Variants in CFAP54 observed in about 807,000 individuals in gnomAD.
CFAP54 encodes cilia- and flagella-associated protein 54.
CFAP54 carries 290 observed loss-of-function variants against 370.4 expected under a neutral mutation model. The ratio of observed to expected loss-of-function variants is 0.78; its 90% CI spans 0.71 to 0.86. The LOEUF is 0.86. CFAP54 is among the 40% of genes least tolerant of loss of function. CFAP54 has a pLI of 0.00. For synonymous variants in CFAP54, 1,206 were observed against 1,236.5 expected (o/e 0.98, Z 0.52); for missense variants, 3,399 against 3,528.7 (o/e 0.96, Z 0.93).
intron 50 of CFAP54, among the ~76,000 whole-genome samples, chr12:96,733,807 A>C (rs1213506497): frequency 2.0e-5 from 3 of 152,150 alleles, no homozygotes; most frequent in African/African-American, 7.2e-5. Flanking sequence ...TTATTCATTA[A>C]GTTTTTGGGT....
intron 65 of CFAP54, among the ~76,000 whole-genome samples, chr12:96,823,883 CAT>C (rs1959058915): frequency 6.6e-6 from 1 of 152,138 alleles, no homozygotes; most frequent in Admixed American, 6.5e-5. Context: ...CCAAGATAAT[CAT>C]AGTGGCATGT....
At position 96,638,227 on chromosome 12, in the gene CFAP54, GTGTGTGTGTGTGTGTA is replaced by G. The variant is rs1375513044; in HGVS notation, c.4317-5949_4317-5934del. Among the ~76,000 whole-genome samples the G allele has an allele frequency of 4.0e-3, 367 of 92,886 alleles. 3 individuals are homozygous for G. Among genetic ancestry groups the G allele is most frequent in the African/African-American group, 0.013 (348 of 27,160 alleles). 60.9% of individuals were successfully genotyped at this position (92,886 alleles called of 152,430 possible). ...TGCATGTGTGTGTGTGTGTGTGTGT[GTGTGTGTGTGTGTGTA>G]TATATATATATATTTATTTTTTTTT... On this transcript the variant is annotated intron_variant, in intron 32 of 67. Transcript: ENST00000524981.
rs973736223 is a variant in CFAP54 at position 96,554,734 on chromosome 12, T to A, written c.2342T>A (p.Met781Lys). ...YKPLASNSFM[M>K]DLHLELIQAQ... is the part of the protein sequence containing the mutation. ...CCACTTGCCTCAAATAGTTTCATGA[T>A]GGATTTGCATCTTGAACTAATTCAA... The change falls in exon 17 of 68, where the codon ATG (methionine) becomes AAG (lysine). Residue 781 changes from methionine to lysine, a missense_variant. Met to Lys is a moderately conservative substitution (Grantham distance 95, BLOSUM62 -1). Around this residue, in one of 3 missense-constraint regions of CFAP54, gnomAD observed 2,796 missense variants for 2,869.7 expected, o/e 0.97. Coordinates refer to ENST00000524981, the MANE Select transcript of CFAP54 (RefSeq NM_001306084.2). 6.5e-7 allele frequency: 1 copy of A among 1,535,100 alleles called. No homozygotes were observed. The highest frequency in any genetic ancestry group is 8.7e-7 in the Non-Finnish European group (1 of 1,146,276).
intron 3 of CFAP54, among the ~76,000 whole-genome samples, chr12:96,506,232 A>G (rs7961965): frequency 0.34 from 51,679 of 151,212 alleles, 10,081 homozygotes; most frequent in Middle Eastern, 0.43. Context: ...CCAGCTACTC[A>G]GGAGGCTGAG....
chr12:96,642,972 G>T (rs1298021572), intron 32 of CFAP54, among the ~76,000 whole-genome samples: 1 of 152,146 alleles, frequency 6.6e-6, no homozygotes, highest in Non-Finnish European at 1.5e-5. Context: ...ATACCTGGAG[G>T]AAGCCTGTCC....
chr12:96,749,739 T>C (rs532813082), intron 55 of CFAP54, among the ~76,000 whole-genome samples: 2 of 152,340 alleles, frequency 1.3e-5, no homozygotes, highest in African/African-American at 4.8e-5. Context: ...TCTTACTTTT[T>C]TGATTTGTCA....
At chr12:96,833,061 C>A (rs191072567) in intron 66 of CFAP54, among the ~76,000 whole-genome samples, 1 of 152,088 alleles carries the variant, frequency 6.6e-6, no homozygotes, top group Non-Finnish European at 1.5e-5. Context: ...TATTGACATG[C>A]ACAGCTTGTG....
At position 96,744,042 on chromosome 12, in the gene CFAP54, T is replaced by A. The variant is rs764243630; in HGVS notation, c.7580T>A (p.Ile2527Asn). The A allele has an allele frequency of 1.1e-5, 18 of 1,610,724 alleles. No homozygotes were observed. The highest frequency in any genetic ancestry group is 1.5e-5 in the Non-Finnish European group (18 of 1,178,828). The change falls in exon 55 of 68, where the codon ATT (isoleucine) becomes AAT (asparagine). Residue 2527 changes from isoleucine (I) to asparagine (N), a missense_variant. Ile to Asn is a moderately radical substitution (Grantham distance 149). Transcript: ENST00000524981. ...TAGATGCTAGCTTTTGGAGAAACAA[T>A]TGAATTTCGTTCATCAAACACTAAA... ...TEQMLAFGETIEFRSSNTKYA... is the reference protein window; with the variant it reads ...TEQMLAFGETNEFRSSNTKYA...
At position 96,700,071 on chromosome 12, in the gene CFAP54, A is replaced by C. The variant is rs779690503; in HGVS notation, c.6452A>C (p.Tyr2151Ser). 1 of 1,607,270 alleles carries C rather than the reference A, an allele frequency of 6.2e-7. No individual in the cohort carries two copies. Among genetic ancestry groups the C allele is most frequent in the South Asian group, 1.1e-5 (1 of 88,886 alleles). Reference protein sequence around the residue: ...KNMPCPIPAGYKATGKMKIFQ... With the variant: ...KNMPCPIPAGSKATGKMKIFQ... ...ATGCCTTGTCCAATACCTGCAGGCTATAAAGCCACTGGAAAAATGAAGGTA... is the reference window on the plus strand; with the variant it reads ...ATGCCTTGTCCAATACCTGCAGGCTCTAAAGCCACTGGAAAAATGAAGGTA... Residue 2151 changes from tyrosine (Y) to serine (S), a missense_variant, in exon 46 of 68, where the codon TAT becomes TCT. By Grantham distance (144) the Tyr-to-Ser change is moderately radical. Coordinates refer to ENST00000524981, the MANE Select transcript of CFAP54 (RefSeq NM_001306084.2).
At chr12:96,734,287 T>C (rs969401870) in intron 50 of CFAP54, among the ~76,000 whole-genome samples, 1 of 152,160 alleles carries the variant, frequency 6.6e-6, no homozygotes, top group African/African-American at 2.4e-5. Flanking sequence ...ATAATGATAA[T>C]AGCTAGCATG....
chr12:96,750,214 C>T (rs999451149), intron 55 of CFAP54, among the ~76,000 whole-genome samples: 3 of 152,142 alleles, frequency 2.0e-5, no homozygotes, highest in African/African-American at 7.2e-5. Context: ...CTTGTCCATC[C>T]CAGAGTGCAG....
In CFAP54 at chr12:96,765,228, G is replaced by A. The variant is rs141676801; in HGVS notation, c.8281+10G>A. The A allele has an allele frequency of 1.2e-4, 172 of 1,485,184 alleles. 1 individual carries two copies. Among genetic ancestry groups the A allele is most frequent in the Non-Finnish European group, 1.5e-4 (163 of 1,098,678 alleles). 92.0% of individuals were successfully genotyped at this position (1,485,184 alleles called of 1,614,324 possible). A position where few individuals can be genotyped will look rare whatever the true frequency, so the allele number is the denominator to read the frequency against. On this transcript the variant is annotated intron_variant, in intron 60 of 67. Coordinates refer to ENST00000524981, the MANE Select transcript of CFAP54 (RefSeq NM_001306084.2). ...ACAGATTATTTGCTTGGTATGTTTG[G>A]ATGTCTACATATTATGCAAAAAAAC...
chr12:96,846,787 C>T (rs762845439), intron 66 of CFAP54, among the ~76,000 whole-genome samples: 18 of 152,082 alleles, frequency 1.2e-4, no homozygotes, highest in Non-Finnish European at 2.1e-4. Context: ...GGGAAAGGCA[C>T]CAGTGACCCC....
intron 32 of CFAP54, among the ~76,000 whole-genome samples, chr12:96,633,231 G>A (rs1315396936): frequency 6.6e-6 from 1 of 152,110 alleles, no homozygotes; most frequent in African/African-American, 2.4e-5. Context: ...AGTTTAATCA[G>A]GAAAAGAGTT....
chr12:96,748,950 C>A (rs900643886), intron 55 of CFAP54, among the ~76,000 whole-genome samples: 1 of 152,192 alleles, frequency 6.6e-6, no homozygotes, highest in East Asian at 1.9e-4. Context: ...GTTCTTTCTT[C>A]TTCTTCAGTT....
chr12:96,842,114 A>G (rs2136776322), intron 66 of CFAP54, among the ~76,000 whole-genome samples: 1 of 152,342 alleles, frequency 6.6e-6, no homozygotes, highest in East Asian at 1.9e-4. Flanking sequence ...AAATGTTTGT[A>G]AATTTCAAAG....
At chr12:96,632,537 A>G (rs1956620394) in intron 32 of CFAP54, among the ~76,000 whole-genome samples, 1 of 151,904 alleles carries the variant, frequency 6.6e-6, no homozygotes, top group African/African-American at 2.4e-5. Context: ...TAACTTTATC[A>G]CTTAACAAGT....
chr12:96,856,044 A>G (rs1446971483), intron 66 of CFAP54, among the ~76,000 whole-genome samples: 3 of 152,214 alleles, frequency 2.0e-5, no homozygotes, highest in African/African-American at 7.2e-5. Context: ...GCTCAACACC[A>G]TGTGGAAACT....
chr12:96,739,541 A>C (rs1241866197), intron 50 of CFAP54, among the ~76,000 whole-genome samples: 1 of 152,236 alleles, frequency 6.6e-6, no homozygotes, highest in Non-Finnish European at 1.5e-5. Flanking sequence ...AAAGCTGGAG[A>C]ATCACATTCT....
Sources: allele counts gnomAD v4.1 joint callset (sites outside exome capture counted in the v4.1 genomes callset), GRCh38; gene constraint gnomAD v4.1.1; regional missense constraint gnomAD v4.1.1; transcripts MANE v1.5; gene names NCBI Gene and HGNC (gene_info 2026-07-23, HGNC 2026-07-21).